SLC25A13: variants seen among roughly 807,000 people sequenced by gnomAD.
SLC25A13 encodes electrogenic aspartate/glutamate antiporter SLC25A13, mitochondrial.
In SLC25A13, 70 loss-of-function variants were observed where a neutral mutation model predicts 85.5. The ratio of observed to expected loss-of-function variants is 0.82; its 90% CI spans 0.68 to 1.00. SLC25A13 has a LOEUF of 1.00. Among genes scored for constraint, SLC25A13 ranks in the 50% least tolerant of loss-of-function variants. SLC25A13 has a pLI of 0.00. For synonymous variants in SLC25A13, 259 were observed against 288.7 expected (o/e 0.90, Z 1.04); for missense variants, 765 against 819.8 (o/e 0.93, Z 0.82).
intron 11 of SLC25A13, among the ~76,000 whole-genome samples, chr7:96,182,132 T>G (rs911856834): frequency 1.3e-5 from 2 of 152,190 alleles, no homozygotes; most frequent in Admixed American, 6.5e-5. Context: ...ATTGATGATG[T>G]ACAAGAAACT....
At chr7:96,285,010 T>A (rs1443148637) in intron 2 of SLC25A13, among the ~76,000 whole-genome samples, 1 of 152,084 alleles carries the variant, frequency 6.6e-6, no homozygotes, top group African/African-American at 2.4e-5. Context: ...TTTTCCTCCC[T>A]GGAGCTACTG....
intron 13 of SLC25A13, among the ~76,000 whole-genome samples, chr7:96,148,407 G>A (rs1191727656): frequency 2.0e-4 from 30 of 152,194 alleles, no homozygotes. Context: ...CAGCCCGTGA[G>A]TGTTTTGTGA....
chr7:96,123,764 G>C (rs1791613967), intron 15 of SLC25A13, among the ~76,000 whole-genome samples: 1 of 152,162 alleles, frequency 6.6e-6, no homozygotes, highest in Admixed American at 6.5e-5. Flanking sequence ...AACTGCACCA[G>C]GCTGCCCTAA....
At chr7:96,277,659 A>G (rs1044194477) in intron 2 of SLC25A13, among the ~76,000 whole-genome samples, 1 of 152,194 alleles carries the variant, frequency 6.6e-6, no homozygotes, top group Non-Finnish European at 1.5e-5. Context: ...TAGACATCCA[A>G]CAATACACAG....
intron 2 of SLC25A13, chr7:96,283,427 T>C: frequency 2.3e-6 from 1 of 426,754 alleles, no homozygotes. Context: ...AAACATAGAG[T>C]TGTTCCTTTG....
At chr7:96,320,522 CA>C (rs1026254654) in intron 1 of SLC25A13, among the ~76,000 whole-genome samples, 2 of 151,298 alleles carry the variant, frequency 1.3e-5, no homozygotes, top group Admixed American at 6.6e-5. Context: ...AAATTTAATG[CA>C]AAAAAAAGGT....
intron 1 of SLC25A13, among the ~76,000 whole-genome samples, chr7:96,302,395 G>T (rs1002729019): frequency 4.6e-5 from 7 of 152,188 alleles, no homozygotes; most frequent in African/African-American, 1.7e-4. Flanking sequence ...TCAAGCCACA[G>T]TTGCAGGCTC....
At chr7:96,266,282 T>C (rs1473818513) in intron 3 of SLC25A13, among the ~76,000 whole-genome samples, 1 of 152,220 alleles carries the variant, frequency 6.6e-6, no homozygotes, top group Non-Finnish European at 1.5e-5. Context: ...GTGTTCTGGA[T>C]GAACTCTCCA....
At chr7:96,159,260 T>A (rs565394320) in intron 13 of SLC25A13, among the ~76,000 whole-genome samples, 23 of 152,296 alleles carry the variant, frequency 1.5e-4, no homozygotes, top group African/African-American at 5.1e-4. Context: ...TCTTAAACCC[T>A]AGCATTAGGG....
intron 11 of SLC25A13, among the ~76,000 whole-genome samples, chr7:96,181,597 A>T (rs1278664607): frequency 6.6e-6 from 1 of 152,262 alleles, no homozygotes; most frequent in Non-Finnish European, 1.5e-5. Flanking sequence ...AACTTTTTTC[A>T]AAGTATACAC....
chr7:96,229,267 T>C (rs1352987325), intron 4 of SLC25A13, among the ~76,000 whole-genome samples: 2 of 152,192 alleles, frequency 1.3e-5, no homozygotes, highest in African/African-American at 2.4e-5. Flanking sequence ...TGATGGGCAC[T>C]TGGAGAACTT....
At chr7:96,184,902 A>G in intron 10 of SLC25A13, 25 bp downstream of exon 10, 1 of 1,588,172 alleles carries the variant, frequency 6.3e-7, no homozygotes, top group Middle Eastern at 1.7e-4. Flanking sequence ...CAAAAGTGAA[A>G]ATTTTTCTCT....
At chr7:96,236,876 G>A (rs1452084630) in intron 3 of SLC25A13, among the ~76,000 whole-genome samples, 2 of 152,210 alleles carry the variant, frequency 1.3e-5, no homozygotes, top group African/African-American at 4.8e-5. Context: ...CTGACAGACT[G>A]AGGCTGGTTG....
At chr7:96,278,708 G>T (rs1193410135) in intron 2 of SLC25A13, among the ~76,000 whole-genome samples, 1 of 152,140 alleles carries the variant, frequency 6.6e-6, no homozygotes, top group Non-Finnish European at 1.5e-5. Context: ...CTATAGTATT[G>T]TCTTACAGTT....
chr7:96,235,780 T>C (rs1390020432), intron 3 of SLC25A13, among the ~76,000 whole-genome samples: 2 of 152,144 alleles, frequency 1.3e-5, no homozygotes, highest in Non-Finnish European at 2.9e-5. Context: ...GCCTGGTCAT[T>C]CTTCTCTAGG....
intron 14 of SLC25A13, among the ~76,000 whole-genome samples, chr7:96,143,494 G>A (rs1792652273): frequency 6.6e-6 from 1 of 152,078 alleles, no homozygotes; most frequent in Non-Finnish European, 1.5e-5. Flanking sequence ...TCTTTCAAAG[G>A]CAATTAATTA....
chr7:96,238,622 C>T (rs908309875), intron 3 of SLC25A13, among the ~76,000 whole-genome samples: 1 of 152,094 alleles, frequency 6.6e-6, no homozygotes, highest in African/African-American at 2.4e-5. Flanking sequence ...AATTCACCGA[C>T]AGGCCCGCCA....
Position 96,189,628 on chromosome 7 carries a change from C to T in SLC25A13, c.801G>A (p.Met267Ile), listed in dbSNP as rs781140919. ...CTAACTGAAACAAGATGTCAACTTC[C>T]ATGGGTGTAACCTGACCAAATTTCT... ...AAQKFGQVTP[M>I]EVDILFQLAD... Residue 267 changes from methionine (M) to isoleucine (I), a missense_variant, in exon 8 of 18, where the codon ATG becomes ATA. Coordinates refer to ENST00000265631, the MANE Select transcript of SLC25A13 (RefSeq NM_014251.3). The T allele has an allele frequency of 6.2e-7, 1 of 1,612,500 alleles. No individual in the cohort carries two copies. Among genetic ancestry groups the T allele is most frequent in the Non-Finnish European group, 8.5e-7 (1 of 1,179,842 alleles).
chr7:96,146,430 C>T, intron 14 of SLC25A13, 126 bp downstream of exon 14: 1 of 1,282,922 alleles, frequency 7.8e-7, no homozygotes, highest in Non-Finnish European at 1.1e-6. Context: ...GCCTCTGCAG[C>T]TTGGGTAGAA....
Sources: gnomAD v4.1 joint callset for allele counts (sites outside exome capture counted in the v4.1 genomes callset) on GRCh38, gnomAD v4.1.1 for gene constraint, MANE v1.5 for transcripts, NCBI Gene and HGNC (gene_info 2026-07-23, HGNC 2026-07-21) for gene names.